Variants in NAV1 observed in about 807,000 individuals in gnomAD.
NAV1 encodes neuron navigator 1.
Under a neutral mutation model 175.2 loss-of-function variants are expected in NAV1, and 18 were observed. The observed-to-expected ratio is 0.10, with a 90% CI of 0.07 to 0.15. The LOEUF (loss-of-function observed/expected upper bound fraction) is 0.15, where lower values mean the gene tolerates loss of function less well. Ranked by LOEUF, NAV1 falls within the 10% of genes least tolerant of loss-of-function variation. The pLI is 1.00. For missense variants in NAV1, 1,731 were observed against 2,436.6 expected (o/e 0.71, Z 6.10); for synonymous variants, 897 against 978.7 (o/e 0.92, Z 1.56).
chr1:201,648,676 G>A, exon 1 of NAV1: 1 of 1,415,212 alleles, frequency 7.1e-7, no homozygotes, highest in South Asian at 1.5e-5. Flanking sequence ...AGAATGCTGG[G>A]CAGCAGCGTC....
chr1:201,643,201 CCTTCCTT>C (rs1299820183), intron 2 of NAV1, among the ~76,000 whole-genome samples: 1 of 143,492 alleles, frequency 7.0e-6, no homozygotes, highest in Non-Finnish European at 1.5e-5. Flanking sequence ...CTTCCTTCCT[CCTTCCTT>C]CCCTTCCTTC....
chr1:201,756,864 C>CT (rs1222752244), intron 3 of NAV1, among the ~76,000 whole-genome samples: 3 of 108,172 alleles, frequency 2.8e-5, no homozygotes, highest in Admixed American at 1.8e-4. Flanking sequence ...TTCTTTCTTT[C>CT]TTTCTTTCTT....
exon 4 of NAV1, chr1:201,780,436 C>T (rs1414737890): frequency 8.7e-6 from 14 of 1,614,106 alleles, no homozygotes; most frequent in Middle Eastern, 1.6e-4. Flanking sequence ...ATGAAAGCAG[C>T]TCCATCAGTA....
chr1:201,573,933 G>A (rs1022032549), intron 1 of NAV1, among the ~76,000 whole-genome samples: 2 of 152,092 alleles, frequency 1.3e-5, no homozygotes, highest in Non-Finnish European at 2.9e-5. Context: ...GCACGTGCCT[G>A]TAGTCCCAGC....
At chr1:201,800,861 T>C (rs1223210260) in intron 15 of NAV1, among the ~76,000 whole-genome samples, 2 of 142,964 alleles carry the variant, frequency 1.4e-5, no homozygotes, top group Non-Finnish European at 3.0e-5. Context: ...CTCGCTCTCA[T>C]TCTGTTGCCC....
intron 1 of NAV1, among the ~76,000 whole-genome samples, chr1:201,679,503 T>G (rs1024048820): frequency 1.3e-5 from 2 of 152,196 alleles, no homozygotes; most frequent in African/African-American, 4.8e-5. Flanking sequence ...TACAAACCAG[T>G]TATTGAAATG....
At chr1:201,654,522 T>G (rs1356989143) in intron 1 of NAV1, among the ~76,000 whole-genome samples, 1 of 151,756 alleles carries the variant, frequency 6.6e-6, no homozygotes, top group Non-Finnish European at 1.5e-5. Flanking sequence ...CCTCACAGCC[T>G]CTGACCCTGA....
At chr1:201,568,045 C>T (rs1370078412) in intron 1 of NAV1, among the ~76,000 whole-genome samples, 1 of 152,128 alleles carries the variant, frequency 6.6e-6, no homozygotes, top group East Asian at 1.9e-4. Context: ...CTGTGAGTGC[C>T]TAGGACCACG....
chr1:201,806,675 G>GTTC (rs1161697122), intron 17 of NAV1, among the ~76,000 whole-genome samples: 1 of 152,176 alleles, frequency 6.6e-6, no homozygotes, highest in African/African-American at 2.4e-5. Flanking sequence ...TTCAGGCTTG[G>GTTC]TTCTTCATCT....
chr1:201,784,452 C>T (rs1446308025), intron 7 of NAV1, among the ~76,000 whole-genome samples: 2 of 152,198 alleles, frequency 1.3e-5, no homozygotes, highest in Non-Finnish European at 2.9e-5. Flanking sequence ...GCCACCACAC[C>T]TGGCTGCCCA....
chr1:201,648,485 C>T (rs1669058691), exon 1 of NAV1: 3 of 1,234,300 alleles, frequency 2.4e-6, no homozygotes, highest in South Asian at 8.3e-5. Flanking sequence ...TCCCCTGCGC[C>T]CTCGGCTTGC....
intron 2 of NAV1, among the ~76,000 whole-genome samples, chr1:201,714,178 T>C (rs565472443): frequency 1.3e-5 from 2 of 152,348 alleles, no homozygotes; most frequent in African/African-American, 4.8e-5. Context: ...CCCAAAGTGC[T>C]GGGATTACAG....
intron 15 of NAV1, among the ~76,000 whole-genome samples, chr1:201,803,351 C>A (rs1678062281): frequency 6.6e-6 from 1 of 152,202 alleles, no homozygotes; most frequent in African/African-American, 2.4e-5. Context: ...TCCATGCTAA[C>A]TTCTGGTTCT....
rs1281528872 is a variant in NAV1, at chr1:201,637,771, G to T, written c.4+8264G>T. On this transcript the variant is annotated intron_variant, in intron 2 of 29. Transcript: ENST00000367302. ...ACCCTACCCTCTCCTTCCTTTGCCT[G>T]CCTGGAGTTTTCCCTCACCGGCCTG... is the stretch of plus-strand genomic sequence containing the variant. 4.6e-5 allele frequency among the ~76,000 whole-genome samples: 7 copies of T among 152,136 alleles called. No homozygotes were observed. In the East Asian group the frequency reaches 1.2e-3, roughly 25 times the overall value.
chr1:201,638,968 G>T (rs558390099), intron 2 of NAV1, among the ~76,000 whole-genome samples: 16 of 152,308 alleles, frequency 1.1e-4, no homozygotes, highest in Admixed American at 9.2e-4. Context: ...GCAGAATGTG[G>T]GTACCCAGCC....
intron 7 of NAV1, among the ~76,000 whole-genome samples, chr1:201,784,569 A>ATTTT (rs35341000): frequency 2.9e-5 from 4 of 136,870 alleles, no homozygotes; most frequent in African/African-American, 1.1e-4. Flanking sequence ...AATACGATCT[A>ATTTT]TTTTTTTTTT....
At chr1:201,710,678 G>C (rs969303730) in intron 1 of NAV1, among the ~76,000 whole-genome samples, 6 of 152,296 alleles carry the variant, frequency 3.9e-5, no homozygotes, top group African/African-American at 1.4e-4. Flanking sequence ...GTTTCTTCCT[G>C]GGCTCAACTC....
At chr1:201,564,497 C>A (rs1230376328) in intron 1 of NAV1, among the ~76,000 whole-genome samples, 1 of 152,196 alleles carries the variant, frequency 6.6e-6, no homozygotes, top group African/African-American at 2.4e-5. Flanking sequence ...CACCTGTAGT[C>A]CCAGCTATTT....
chr1:201,560,139 C>A (rs1388003310), intron 1 of NAV1, among the ~76,000 whole-genome samples: 2 of 152,148 alleles, frequency 1.3e-5, no homozygotes, highest in African/African-American at 4.8e-5. Context: ...CTCTCCTATT[C>A]TTGATTTAGG....
Sources: gnomAD v4.1 joint callset for allele counts (sites outside exome capture counted in the v4.1 genomes callset) on GRCh38, gnomAD v4.1.1 for gene constraint, MANE v1.5 for transcripts, NCBI Gene and HGNC (gene_info 2026-07-23, HGNC 2026-07-21) for gene names.